Variants in CLTA observed in about 807,000 individuals in gnomAD.
The protein encoded by CLTA is clathrin light chain A, also known as clathrin, light polypeptide (Lca).
Under a neutral mutation model 26.9 loss-of-function variants are expected in CLTA, and 9 were observed. The observed-to-expected ratio is 0.33, with a 90% CI of 0.20 to 0.58. CLTA has a LOEUF of 0.58. CLTA is among the 20% of genes least tolerant of loss of function. The pLI, the probability that CLTA is intolerant of heterozygous loss-of-function variation, is 0.85. For missense variants in CLTA, 278 were observed against 294.2 expected, an observed-to-expected ratio of 0.94 and a Z score of 0.40; for synonymous variants, 120 against 115.5, an observed-to-expected ratio of 1.04 and a Z score of -0.25.
At position 36,191,245 on chromosome 9, in the gene CLTA, G is replaced by T; in HGVS notation, c.189G>T (p.Gln63His). The part of the protein sequence containing the change: ...AILDGGAPGP[Q>H]PHGEPPGGPD... ...TGGACGGCGGCGCCCCCGGGCCCCA[G>T]CCGCACGGCGAGCCGCCGGGGGGTC... The change falls in exon 1 of 5, where the codon CAG (glutamine) becomes CAT (histidine). Residue 63 changes from glutamine to histidine, a missense_variant. Transcript: ENST00000345519. 1 of 1,533,610 alleles carries T rather than the reference G, an allele frequency of 6.5e-7. No individual in the cohort carries two copies. Among genetic ancestry groups the T allele is most frequent in the Admixed American group, 2.1e-5 (1 of 48,736 alleles).
In CLTA at chr9:36,209,021, C is replaced by T. The variant is rs1587248847; in HGVS notation, c.486-2582C>T. Reference sequence around the variant, plus strand: ...TAAATGCCCGTGTTGCTGGGGTGAGCCAAAGGGATGAAGTTGGCAGTGCTT... The same window carrying T: ...TAAATGCCCGTGTTGCTGGGGTGAGTCAAAGGGATGAAGTTGGCAGTGCTT... On this transcript the variant is annotated intron_variant, in intron 4 of 4. Coordinates refer to ENST00000345519, the MANE Select transcript of CLTA (RefSeq NM_001833.4). 3.9e-5 allele frequency among the ~76,000 whole-genome samples: 6 copies of T among 152,136 alleles called. No homozygotes were observed. The South Asian group carries it at 1.2e-3, about 31-fold the overall frequency.
intron 4 of CLTA, among the ~76,000 whole-genome samples, chr9:36,206,539 A>T (rs1180897531): frequency 1.3e-5 from 2 of 152,164 alleles, no homozygotes; most frequent in African/African-American, 4.8e-5. Context: ...GGTCCCATTT[A>T]GATGTATAAA....
chr9:36,203,912 CAG>C (rs758781254), intron 3 of CLTA, 154 bp from the exon 4 acceptor site: 27 of 569,942 alleles, frequency 4.7e-5, no homozygotes, highest in Non-Finnish European at 6.0e-5. Context: ...ACAGAGAAAA[CAG>C]AAGTTTATCT....
At chr9:36,201,904 G>C (rs935641940) in intron 3 of CLTA, among the ~76,000 whole-genome samples, 1 of 151,984 alleles carries the variant, frequency 6.6e-6, no homozygotes, top group African/African-American at 2.4e-5. Flanking sequence ...TTGAGCTCAG[G>C]AGTTCAAGAC....
chr9:36,208,001 A>G (rs1271605421), intron 4 of CLTA, among the ~76,000 whole-genome samples: 2 of 152,182 alleles, frequency 1.3e-5, no homozygotes, highest in African/African-American at 2.4e-5. Flanking sequence ...AATTTCCACA[A>G]AACACCTCCT....
chr9:36,206,161 G>C (rs1827713772), intron 4 of CLTA, among the ~76,000 whole-genome samples: 1 of 152,178 alleles, frequency 6.6e-6, no homozygotes, highest in Non-Finnish European at 1.5e-5. Flanking sequence ...AGAATGCTGG[G>C]TAAGCTGGTC....
intron 1 of CLTA, among the ~76,000 whole-genome samples, chr9:36,196,274 C>G (rs1400153367): frequency 7.2e-6 from 1 of 139,336 alleles, no homozygotes; most frequent in Non-Finnish European, 1.5e-5. Flanking sequence ...CAGAGCAAGA[C>G]TCTCTCTCAA....
chr9:36,205,716 A>C (rs943983497), intron 4 of CLTA, among the ~76,000 whole-genome samples: 1 of 148,500 alleles, frequency 6.7e-6, no homozygotes, highest in Non-Finnish European at 1.5e-5. Context: ...TATTCTCTGT[A>C]TACAGAATCC....
chr9:36,191,819 C>T (rs973719318), intron 1 of CLTA, among the ~76,000 whole-genome samples: 1 of 152,224 alleles, frequency 6.6e-6, no homozygotes, highest in Non-Finnish European at 1.5e-5. Context: ...GAAAGATGAT[C>T]TAGGTCTGGA....
At chr9:36,191,521 C>T (rs1331342503) in intron 1 of CLTA, among the ~76,000 whole-genome samples, 1 of 152,126 alleles carries the variant, frequency 6.6e-6, no homozygotes, top group Admixed American at 6.5e-5. Flanking sequence ...TGGCAGGCTC[C>T]GGAGCCGGAA....
intron 1 of CLTA, among the ~76,000 whole-genome samples, chr9:36,195,269 A>G (rs192225029): frequency 5.9e-5 from 9 of 152,380 alleles, no homozygotes; most frequent in African/African-American, 2.2e-4. Flanking sequence ...AGAAATCATG[A>G]AGAAAAAGTC....
At chr9:36,199,161 T>C in intron 3 of CLTA, 65 bp downstream of exon 3, 1 of 994,856 alleles carries the variant, frequency 1.0e-6, no homozygotes. Flanking sequence ...GACTCTACTT[T>C]TATTCCTTTT....
chr9:36,191,869 A>G (rs574211419), intron 1 of CLTA, among the ~76,000 whole-genome samples: 2 of 152,330 alleles, frequency 1.3e-5, no homozygotes, highest in South Asian at 2.1e-4. Context: ...GCTATCGTTG[A>G]GCGATTGATT....
At chr9:36,195,067 T>G (rs1826942476) in intron 1 of CLTA, among the ~76,000 whole-genome samples, 2 of 152,236 alleles carry the variant, frequency 1.3e-5, no homozygotes, top group South Asian at 4.1e-4. Flanking sequence ...TCAATTGTAC[T>G]ATATTAACCA....
Position 36,191,027 on chromosome 9 carries a change from G to A in CLTA, c.-30G>A, listed in dbSNP as rs1373426458. 4 of 1,499,164 alleles carry A rather than the reference G, an allele frequency of 2.7e-6. No homozygotes were observed. Among genetic ancestry groups the A allele is most frequent in the Non-Finnish European group, 2.6e-6 (3 of 1,135,328 alleles). 92.9% of individuals were successfully genotyped at this position (1,499,164 alleles called of 1,614,324 possible). ...TGGGTCGGTTGGTTTTTGTCTCACC[G>A]TTGGTGTCCGTGCCGTTCAGTTGCC... is the stretch of plus-strand genomic sequence containing the variant. On this transcript the variant is annotated 5_prime_UTR_variant, in exon 1 of 5. Transcript: ENST00000345519.
At chr9:36,199,157 A>G (rs957879187) in intron 3 of CLTA, 61 bp downstream of exon 3, 1 of 1,050,756 alleles carries the variant, frequency 9.5e-7, no homozygotes, top group Non-Finnish European at 1.5e-6. Flanking sequence ...GCTGGACTCT[A>G]CTTTTATTCC....
Position 36,190,998 on chromosome 9 carries a change from T to G in CLTA, c.-59T>G, listed in dbSNP as rs1005399173. 13 of 1,468,610 alleles carry G rather than the reference T, an allele frequency of 8.9e-6. No homozygotes were observed. The highest frequency in any genetic ancestry group is 5.0e-5 in the Admixed American group (2 of 39,618). The allele number at this position is 1,468,610 out of a possible 1,614,324, so 91.0% of individuals were successfully genotyped here. On this transcript the variant is annotated 5_prime_UTR_variant, in exon 1 of 5. Transcript: ENST00000345519. ...ACAGCGGTGGCTGCCGGGCGTGGTGTCGGTGGGTCGGTTGGTTTTTGTCTC... is the reference window on the plus strand; with the variant it reads ...ACAGCGGTGGCTGCCGGGCGTGGTGGCGGTGGGTCGGTTGGTTTTTGTCTC...
intron 3 of CLTA, among the ~76,000 whole-genome samples, chr9:36,200,464 A>G (rs930438878): frequency 3.9e-5 from 6 of 152,254 alleles, no homozygotes; most frequent in African/African-American, 1.4e-4. Flanking sequence ...CGTCAGCAGT[A>G]TTATTCCCTC....
intron 4 of CLTA, among the ~76,000 whole-genome samples, chr9:36,211,148 C>G (rs1018878886): frequency 9.2e-5 from 14 of 152,218 alleles, no homozygotes; most frequent in Non-Finnish European, 1.8e-4. Flanking sequence ...CCGTTTCTCT[C>G]CAGCCTTAGG....
Sources: gnomAD v4.1 joint callset for allele counts (sites outside exome capture counted in the v4.1 genomes callset) on GRCh38, gnomAD v4.1.1 for gene constraint, MANE v1.5 for transcripts, NCBI Gene and HGNC (gene_info 2026-07-23, HGNC 2026-07-21) for gene names.